Variants in SLC16A3 observed in about 807,000 individuals in gnomAD.
SLC16A3 encodes the protein monocarboxylate transporter 4.
SLC16A3 carries 22 observed loss-of-function variants against 25.0 expected under a neutral mutation model. That is an observed-to-expected ratio of 0.88 (90% CI 0.63 to 1.26). The LOEUF (loss-of-function observed/expected upper bound fraction) is 1.26, where lower values mean the gene tolerates loss of function less well. Among genes scored for constraint, SLC16A3 ranks in the 50% most tolerant of loss-of-function variants. The probability of loss-of-function intolerance (pLI) is 0.00; values close to 1 mark genes in which losing one functional copy is unlikely to be tolerated. For missense variants in SLC16A3, 731 were observed against 666.6 expected, an observed-to-expected ratio of 1.10 and a Z score of -1.06; for synonymous variants, 390 against 309.2, an observed-to-expected ratio of 1.26 and a Z score of -2.74.
chr17:82,220,890 C>A (rs769963485), intron 1 of SLC16A3, among the ~76,000 whole-genome samples: 5 of 152,212 alleles, frequency 3.3e-5, no homozygotes, highest in Non-Finnish European at 7.3e-5. Flanking sequence ...GTGGCGCAAT[C>A]CCAGCTCACG....
Position 82,236,174 on chromosome 17 carries a change from G to C in SLC16A3, c.166G>C (p.Gly56Arg), listed in dbSNP as rs777447685. 9 of 1,613,028 alleles carry C rather than the reference G, an allele frequency of 5.6e-6. No homozygotes were observed. The highest frequency in any genetic ancestry group is 4.0e-5 in the African/African-American group (3 of 74,948). ...FKELIQEFGI[G>R]YSDTAWISSI... ...GGAGCTCATACAGGAGTTTGGGATC[G>C]GCTACAGCGACACAGCCTGGATCTC... Residue 56 changes from glycine to arginine, a missense_variant, in exon 2 of 5, where the codon GGC becomes CGC. By Grantham distance (125) the Gly-to-Arg change is moderately radical. Transcript: ENST00000582743.
upstream of SLC16A3, among the ~76,000 whole-genome samples, chr17:82,227,238 C>T (rs1255255988): frequency 2.6e-5 from 4 of 152,158 alleles, no homozygotes; most frequent in Admixed American, 6.5e-5. Context: ...GCCCCTTTGT[C>T]CTTCAGGAGG....
chr17:82,228,775 G>A (rs887306695), upstream of SLC16A3, among the ~76,000 whole-genome samples: 5 of 152,074 alleles, frequency 3.3e-5, no homozygotes, highest in African/African-American at 1.2e-4. Flanking sequence ...GGGAGGCGAG[G>A]CCGGGAAGAC....
chr17:82,230,464 G>C (rs769715097), intron 1 of SLC16A3: 6 of 152,372 alleles, frequency 3.9e-5, no homozygotes, highest in Non-Finnish European at 8.8e-5. Flanking sequence ...TGGCCTGCAC[G>C]ATCAGGCCAG....
intron 2 of SLC16A3, 82 bp downstream of exon 2, chr17:82,236,313 C>T: frequency 3.1e-6 from 4 of 1,293,000 alleles, no homozygotes; most frequent in Non-Finnish European, 4.4e-6. Flanking sequence ...GGCTCAGCAA[C>T]AGGGCCTTCC....
intron 1 of SLC16A3, among the ~76,000 whole-genome samples, chr17:82,221,446 C>G (rs561675677): frequency 6.6e-6 from 1 of 151,870 alleles, no homozygotes; most frequent in African/African-American, 2.4e-5. Context: ...GCTTGCCTAT[C>G]GTCCCAGCTA....
At chr17:82,231,196 C>G (rs1325944523) in intron 1 of SLC16A3, 1 of 152,174 alleles carries the variant, frequency 6.6e-6, no homozygotes, top group African/African-American at 2.4e-5. Context: ...CCGGGTGGGC[C>G]CCGCCCAGCC....
In SLC16A3 at chr17:82,239,679, C is replaced by T. The variant is rs1247891923; in HGVS notation, c.*703C>T. ...CTGGAGGCCGCTGTGCCAGGGTGGC[C>T]TCTGAAATGTGCCAGGGAGCCCCTA... On this transcript the variant is annotated 3_prime_UTR_variant, in exon 5 of 5. Transcript: ENST00000582743. The T allele has an allele frequency of 3.0e-6, 1 of 333,428 alleles. No homozygotes were observed. The highest frequency in any genetic ancestry group is 2.1e-5 in the African/African-American group (1 of 46,840). The allele number at this position is 333,428 out of a possible 1,614,324, so 20.7% of individuals were successfully genotyped here. A position where few individuals can be genotyped will look rare whatever the true frequency, so the allele number is the denominator to read the frequency against.
At chr17:82,229,807 C>CCAGGCTGGG (rs1424952947) in intron 1 of SLC16A3, 1 of 152,298 alleles carries the variant, frequency 6.6e-6, no homozygotes, top group Non-Finnish European at 1.5e-5. Flanking sequence ...TGGTCAGGAG[C>CCAGGCTGGG]CTCCCTGGGT....
rs956638022 is a variant in SLC16A3 at position 82,229,102 on chromosome 17, G to A, written c.-31G>A. 11 of 151,042 alleles carry A rather than the reference G, an allele frequency of 7.3e-5. No individual in the cohort carries two copies. The highest frequency in any genetic ancestry group is 1.2e-4 in the African/African-American group (5 of 41,260). The allele number at this position is 151,042 out of a possible 1,614,324, so 9.4% of individuals were successfully genotyped here. Reference sequence around the variant, plus strand: ...AGGCGGGCTGAGGCGGCCCAGCGGCGGCAGGTAGGCGCGGCCGCGATGCTC... The same window carrying A: ...AGGCGGGCTGAGGCGGCCCAGCGGCAGCAGGTAGGCGCGGCCGCGATGCTC... On this transcript the variant is annotated 5_prime_UTR_variant, in exon 1 of 5. Transcript: ENST00000582743.
At chr17:82,233,396 T>C (rs4550503) in intron 1 of SLC16A3, among the ~76,000 whole-genome samples, 109,986 of 152,042 alleles carry the variant, frequency 0.72, 40,080 homozygotes, top group East Asian at 0.93. Flanking sequence ...CATGCTGTGC[T>C]CTCCTGGTCA....
At chr17:82,218,471 G>A (rs974631053) in intron 1 of SLC16A3, among the ~76,000 whole-genome samples, 4 of 150,664 alleles carry the variant, frequency 2.7e-5, no homozygotes, top group Non-Finnish European at 5.9e-5. Context: ...CGGGGTGGAC[G>A]GCCAAGGCGA....
At chr17:82,230,891 T>G (rs982088297) in intron 1 of SLC16A3, 1 of 152,206 alleles carries the variant, frequency 6.6e-6, no homozygotes, top group Non-Finnish European at 1.5e-5. Context: ...GCCGGGCTCC[T>G]GCTCCGAGAC....
exon 1 of SLC16A3, among the ~76,000 whole-genome samples, chr17:82,217,973 C>T (rs1045395594): frequency 1.3e-5 from 2 of 152,252 alleles, no homozygotes. Context: ...CTAGCCACAG[C>T]CTGGCTGCTG....
intron 1 of SLC16A3, among the ~76,000 whole-genome samples, chr17:82,221,394 G>A (rs1485034165): frequency 6.6e-6 from 1 of 151,660 alleles, no homozygotes; most frequent in Non-Finnish European, 1.5e-5. Flanking sequence ...AACCCTGTCT[G>A]TACAAAAACA....
In SLC16A3 at chr17:82,222,947, A is replaced by G. The variant is rs576569845; in HGVS notation, c.-27+4763A>G. ...TCCATTCACATGAAACATCCAGGAC[A>G]GGCCAGTCCACAGACACAGACAGCA... On this transcript the variant is annotated intron_variant, in intron 1 of 4. Coordinates refer to the SLC16A3 transcript ENST00000580098. Among the ~76,000 whole-genome samples the G allele has an allele frequency of 1.4e-4, 22 of 152,272 alleles. 1 individual carries two copies. The South Asian group carries it at 4.6e-3, about 32-fold the overall frequency.
In SLC16A3 at chr17:82,239,860, C is replaced by T. The variant is rs1599565396; in HGVS notation, c.*884C>T. 1 of 545,546 alleles carries T rather than the reference C, an allele frequency of 1.8e-6. No individual in the cohort carries two copies. The highest frequency in any genetic ancestry group is 3.5e-5 in the East Asian group (1 of 28,646). The allele number at this position is 545,546 out of a possible 1,614,324, so 33.8% of individuals were successfully genotyped here. Reference sequence around the variant, plus strand: ...CCCAGGGCTGGTCTTTGCACCCTGTCCTCCATCCAGCCCGGCCCAGCGCTT... The same window carrying T: ...CCCAGGGCTGGTCTTTGCACCCTGTTCTCCATCCAGCCCGGCCCAGCGCTT... On this transcript the variant is annotated 3_prime_UTR_variant, in exon 5 of 5. Transcript: ENST00000582743.
At chr17:82,238,530 A>G (rs1385062348) in intron 4 of SLC16A3, among the ~76,000 whole-genome samples, 172 bp from the exon 5 acceptor site, 3 of 151,922 alleles carry the variant, frequency 2.0e-5, no homozygotes, top group Non-Finnish European at 4.4e-5. Context: ...AGGAGGGAGG[A>G]TGCCCCCAGC....
upstream of SLC16A3, among the ~76,000 whole-genome samples, chr17:82,224,387 G>A (rs1224623831): frequency 1.8e-5 from 2 of 109,466 alleles, no homozygotes; most frequent in African/African-American, 7.8e-5. Flanking sequence ...CACCTGTGCA[G>A]ACACACCCCT....
Sources: allele counts gnomAD v4.1 joint callset (sites outside exome capture counted in the v4.1 genomes callset), GRCh38; gene constraint gnomAD v4.1.1; transcripts MANE v1.5; gene names NCBI Gene and HGNC (gene_info 2026-07-23, HGNC 2026-07-21).